Variants in SHANK2 observed in about 807,000 individuals in gnomAD.
SHANK2 encodes the protein SH3 and multiple ankyrin repeat domains protein 2.
SHANK2 carries 43 observed loss-of-function variants against 133.7 expected under a neutral mutation model. The ratio of observed to expected loss-of-function variants is 0.32; its 90% CI spans 0.25 to 0.41. The LOEUF (loss-of-function observed/expected upper bound fraction) is 0.41. Among genes scored for constraint, SHANK2 ranks in the 10% least tolerant of loss-of-function variants. SHANK2 has a pLI of 1.00. For synonymous variants in SHANK2, 1,017 were observed against 952.8 expected (o/e 1.07, Z -1.24); for missense variants, 1,994 against 2,235.8 (o/e 0.89, Z 2.18).
In SHANK2 at chr11:70,830,465, C is replaced by T. The variant is rs1463920802; in HGVS notation, c.1175-9783G>A. On this transcript the variant is annotated intron_variant, in intron 11 of 25. Coordinates refer to ENST00000601538, the MANE Select transcript of SHANK2 (RefSeq NM_012309.5). This position sits in a 1 kb window ranked among gnomAD's most constrained non-coding sequence, Gnocchi z 4.4. ...CCATCTGCACACAGGCCCGGCCCTT[C>T]ACCCTCCAAGCCACGGAGACCCAGA... 1.3e-5 allele frequency among the ~76,000 whole-genome samples: 2 copies of T among 152,174 alleles called. No homozygotes were observed. Among genetic ancestry groups the T allele is most frequent in the Admixed American group, 1.3e-4 (2 of 15,276 alleles).
intron 2 of SHANK2, among the ~76,000 whole-genome samples, chr11:71,209,778 A>G (rs1954213898): frequency 6.6e-6 from 1 of 152,112 alleles, no homozygotes; most frequent in African/African-American, 2.4e-5. Flanking sequence ...CATCCCATCA[A>G]CAGAGCACCT....
chr11:70,663,709 G>T (rs1944625235), intron 15 of SHANK2, among the ~76,000 whole-genome samples: 2 of 152,152 alleles, frequency 1.3e-5, no homozygotes, highest in African/African-American at 4.8e-5. Context: ...CCTGCTAAGT[G>T]CAGGGAGGTC....
At chr11:70,488,217 CA>C (rs2058839856) in intron 24 of SHANK2, among the ~76,000 whole-genome samples, 1 of 152,136 alleles carries the variant, frequency 6.6e-6, no homozygotes, top group African/African-American at 2.4e-5. Context: ...GTTTTTAGGG[CA>C]GGGGTCTAAG....
At chr11:71,119,103 G>A in intron 3 of SHANK2, 71 bp from the exon 4 acceptor site, 9 of 1,365,330 alleles carry the variant, frequency 6.6e-6, no homozygotes, top group Non-Finnish European at 9.1e-6. Context: ...TGGGGCGCGT[G>A]GTCAGAGAGG....
In SHANK2 at chr11:71,252,258, G is replaced by A. The variant is rs1230000953; in HGVS notation, c.-113+167C>T. 3.9e-5 allele frequency among the ~76,000 whole-genome samples: 6 copies of A among 152,070 alleles called. No individual in the cohort carries two copies. Among genetic ancestry groups the A allele is most frequent in the Admixed American group, 3.9e-4 (6 of 15,268 alleles). ...CTGGACACGCGGCTCACTCCCCCCA[G>A]CGCCCACCTCTCCAGCCTCTCTGGG... On this transcript the variant is annotated intron_variant, in intron 1 of 25. Transcript: ENST00000601538. The surrounding 1 kb of genome is among the most constrained non-coding windows in gnomAD (Gnocchi z 6.3).
chr11:70,921,842 C>A (rs1365298270), intron 10 of SHANK2, among the ~76,000 whole-genome samples: 1 of 152,186 alleles, frequency 6.6e-6, no homozygotes, highest in Non-Finnish European at 1.5e-5. Context: ...TACCTAGAGT[C>A]TCCATAATTT....
intron 11 of SHANK2, 181 bp downstream of exon 11, chr11:70,896,320 C>T (rs991428281): frequency 3.6e-6 from 2 of 558,088 alleles, no homozygotes; most frequent in African/African-American, 1.9e-5. Flanking sequence ...TAGCCCCATC[C>T]CCACTATAAG....
At chr11:70,512,578 T>C (rs2059217906) in intron 17 of SHANK2, among the ~76,000 whole-genome samples, 1 of 152,264 alleles carries the variant, frequency 6.6e-6, no homozygotes, top group Admixed American at 6.5e-5. Context: ...TCCAAATGCT[T>C]CCCTAATTAT....
At chr11:70,602,177 C>T (rs977728511) in intron 17 of SHANK2, among the ~76,000 whole-genome samples, 1 of 152,172 alleles carries the variant, frequency 6.6e-6, no homozygotes, top group African/African-American at 2.4e-5. Context: ...TTTCACCTTC[C>T]ACCATGAGTA....
intron 14 of SHANK2, among the ~76,000 whole-genome samples, chr11:70,728,079 G>A (rs1028286881): frequency 6.6e-6 from 1 of 152,232 alleles, no homozygotes; most frequent in Non-Finnish European, 1.5e-5. Flanking sequence ...CAGTGTCAGG[G>A]CAAGAACAGG....
chr11:71,186,493 T>C (rs1257478215), intron 2 of SHANK2, among the ~76,000 whole-genome samples: 1 of 152,220 alleles, frequency 6.6e-6, no homozygotes, highest in Non-Finnish European at 1.5e-5. Flanking sequence ...GCTCCAGCAA[T>C]TGTAAGCAAC....
rs1269442774 is a variant in SHANK2 at position 70,654,908 on chromosome 11, CAG to C, written c.2061+4918_2061+4919del. Among the ~76,000 whole-genome samples the C allele has an allele frequency of 2.6e-5, 4 of 152,076 alleles. No homozygotes were observed. In the South Asian group the frequency reaches 8.3e-4, roughly 32 times the overall value. On this transcript the variant is annotated intron_variant, in intron 17 of 25. Coordinates refer to ENST00000601538, the MANE Select transcript of SHANK2 (RefSeq NM_012309.5). ...TCAGCCTCCTGAGTAGCTGGGATTT[CAG>C]ACACGCACCACCACGCCCAGCTAAT...
In SHANK2 at chr11:71,094,464, C is replaced by T. The variant is rs782521719; in HGVS notation, c.744+73G>A. 132 of 1,444,768 alleles carry T rather than the reference C, an allele frequency of 9.1e-5. 1 individual carries two copies. The highest frequency in any genetic ancestry group is 1.0e-4 in the Non-Finnish European group (112 of 1,066,732). 89.5% of individuals were successfully genotyped at this position (1,444,768 alleles called of 1,614,324 possible). ...CACGGACCCCCTAGGATGGGCACTGCGGGGATGGGATGGGGCAGCCGCACG... is the reference window on the plus strand; with the variant it reads ...CACGGACCCCCTAGGATGGGCACTGTGGGGATGGGATGGGGCAGCCGCACG... On this transcript the variant is annotated intron_variant, in intron 7 of 25. Transcript: ENST00000601538.
At chr11:70,642,700 G>A (rs2061200859) in intron 17 of SHANK2, among the ~76,000 whole-genome samples, 1 of 152,154 alleles carries the variant, frequency 6.6e-6, no homozygotes, top group African/African-American at 2.4e-5. Flanking sequence ...TGATTTCCTG[G>A]AAATTTATAT....
chr11:71,125,470 C>CA, intron 3 of SHANK2, among the ~76,000 whole-genome samples: 1 of 152,324 alleles, frequency 6.6e-6, no homozygotes, highest in East Asian at 1.9e-4. Flanking sequence ...ACGGTCACAA[C>CA]ATTCATTTAA....
chr11:70,502,676 C>T (rs2135825445), intron 18 of SHANK2, 120 bp downstream of exon 18: 2 of 1,185,388 alleles, frequency 1.7e-6, no homozygotes, highest in Admixed American at 2.2e-5. Context: ...TGTGCCTGGG[C>T]TCTCAGAAGT....
intron 3 of SHANK2, among the ~76,000 whole-genome samples, chr11:71,144,801 T>A (rs1555106400): frequency 2.0e-5 from 3 of 152,224 alleles, no homozygotes; most frequent in African/African-American, 7.2e-5. Context: ...TCCTTCACCA[T>A]CTTTTTCTCC....
intron 14 of SHANK2, among the ~76,000 whole-genome samples, chr11:70,795,792 G>A (rs1947897227): frequency 6.6e-6 from 1 of 152,190 alleles, no homozygotes; most frequent in Non-Finnish European, 1.5e-5. Flanking sequence ...CCTACCAACA[G>A]GTGCTGGCTT....
chr11:71,132,713 CT>C (rs1366660629), intron 3 of SHANK2, among the ~76,000 whole-genome samples: 1 of 152,138 alleles, frequency 6.6e-6, no homozygotes, highest in Non-Finnish European at 1.5e-5. Flanking sequence ...CCTTCTCTGC[CT>C]TTATCGAGGA....
Sources: gnomAD v4.1 joint callset for allele counts (sites outside exome capture counted in the v4.1 genomes callset) on GRCh38, gnomAD v4.1.1 for gene constraint, Gnocchi (gnomAD v3.1) non-coding constraint, MANE v1.5 for transcripts, NCBI Gene and HGNC (gene_info 2026-07-23, HGNC 2026-07-21) for gene names.